Variants in GRIK3 observed in about 807,000 individuals in gnomAD.
The protein encoded by GRIK3 is glutamate receptor ionotropic, kainate 3.
Under a neutral mutation model 102.5 loss-of-function variants are expected in GRIK3, and 29 were observed. The observed-to-expected ratio is 0.28, with a 90% CI of 0.21 to 0.39. GRIK3 has a LOEUF of 0.39. GRIK3 is among the 10% of genes least tolerant of loss of function. The pLI, the probability that GRIK3 is intolerant of heterozygous loss-of-function variation, is 1.00. For synonymous variants in GRIK3, 511 were observed against 504.9 expected, an observed-to-expected ratio of 1.01 and a Z score of -0.16; for missense variants, 908 against 1,252.4, an observed-to-expected ratio of 0.73 and a Z score of 4.15.
At chr1:36,960,278 C>T (rs2124347961) in intron 1 of GRIK3, among the ~76,000 whole-genome samples, 1 of 147,382 alleles carries the variant, frequency 6.8e-6, no homozygotes, top group East Asian at 2.0e-4. Flanking sequence ...ACCCGTGAGC[C>T]TGTGACCCAT....
At position 36,817,164 on chromosome 1, in the gene GRIK3, C is replaced by G. The variant is rs774857531; in HGVS notation, c.1987G>C (p.Val663Leu). ...TCAATGGGTGATTCCATGCGCTCCA[C>G]GGTCAGAAAGGCAGCCAGGTTGGCC... ...YTANLAAFLT[V>L]ERMESPIDSA... Residue 663 changes from valine (V) to leucine (L), a missense_variant, in exon 13 of 16, where the codon GTG (valine) becomes CTG (leucine). This residue lies in a region of GRIK3 where 297 missense variants were observed against 362.7 expected (regional missense o/e 0.82). Transcript: ENST00000373091. 6.2e-7 allele frequency: 1 copy of G among 1,614,004 alleles called. No homozygotes were observed. Among genetic ancestry groups the G allele is most frequent in the East Asian group, 2.2e-5 (1 of 44,882 alleles).
At chr1:36,948,803 C>T (rs1357398987) in intron 1 of GRIK3, among the ~76,000 whole-genome samples, 1 of 152,152 alleles carries the variant, frequency 6.6e-6, no homozygotes, top group Non-Finnish European at 1.5e-5. Flanking sequence ...CTCCAGCCCT[C>T]CAGCCCACTG....
intron 1 of GRIK3, among the ~76,000 whole-genome samples, chr1:36,945,511 G>A (rs1180177960): frequency 6.6e-6 from 1 of 151,780 alleles, no homozygotes; most frequent in Non-Finnish European, 1.5e-5. Context: ...GACTGATCCT[G>A]CAACATCGTT....
At chr1:36,851,642 G>T (rs893564911) in intron 8 of GRIK3, among the ~76,000 whole-genome samples, 1 of 152,264 alleles carries the variant, frequency 6.6e-6, no homozygotes, top group Non-Finnish European at 1.5e-5. Context: ...TGTGAGGCCA[G>T]TTAGGACTGA....
chr1:36,898,182 G>C (rs1355105715), intron 1 of GRIK3, among the ~76,000 whole-genome samples: 1 of 152,030 alleles, frequency 6.6e-6, no homozygotes, highest in Non-Finnish European at 1.5e-5. Flanking sequence ...GTACAAAATA[G>C]ATAACTAGAA....
At chr1:36,837,548 C>T (rs493534) in intron 10 of GRIK3, among the ~76,000 whole-genome samples, 29,393 of 152,030 alleles carry the variant, frequency 0.19, 3,384 homozygotes, top group African/African-American at 0.32. Context: ...TCCATACTGG[C>T]TCAGGTTTGG....
At chr1:36,935,929 G>A (rs1367721289) in intron 1 of GRIK3, among the ~76,000 whole-genome samples, 1 of 152,196 alleles carries the variant, frequency 6.6e-6, no homozygotes, top group Non-Finnish European at 1.5e-5. Flanking sequence ...ATTGCTTTCT[G>A]AAATTTTGAA....
chr1:36,884,490 A>G (rs1162252496), intron 2 of GRIK3, among the ~76,000 whole-genome samples: 1 of 152,036 alleles, frequency 6.6e-6, no homozygotes, highest in Non-Finnish European at 1.5e-5. Context: ...GCACTTCCTG[A>G]GGAAGGAGGC....
intron 1 of GRIK3, among the ~76,000 whole-genome samples, chr1:36,983,121 GC>G (rs902714282): frequency 6.6e-6 from 1 of 152,064 alleles, no homozygotes; most frequent in Non-Finnish European, 1.5e-5. Context: ...GTGCAGCTAC[GC>G]ATGTGCACAC....
In GRIK3 at chr1:36,804,848, G is replaced by A. The variant is rs1345063282; in HGVS notation, c.2565+139C>T. 5 of 1,123,098 alleles carry A rather than the reference G, an allele frequency of 4.5e-6. No individual in the cohort carries two copies. In the African/African-American group the frequency reaches 4.6e-5, roughly 10 times the overall value. 69.6% of individuals were successfully genotyped at this position (1,123,098 alleles called of 1,614,324 possible). On this transcript the variant is annotated intron_variant, in intron 15 of 15. Transcript: ENST00000373091. ...GTCAGGACAGAGGTAGAGTGGCAGG[G>A]CTTGCTGGCCGACTGGATGCAGGGT...
In GRIK3 at chr1:36,859,190, G is replaced by A; in HGVS notation, c.1022C>T (p.Pro341Leu). The A allele has an allele frequency of 6.2e-7, 1 of 1,613,828 alleles. No individual in the cohort carries two copies. Among genetic ancestry groups the A allele is most frequent in the Non-Finnish European group, 8.5e-7 (1 of 1,179,728 alleles). ...HIVSVCYQRA[P>L]QMTVNSLQCH... The stretch of plus-strand genomic sequence containing the variant: ...CTGCAGGGAGTTCACGGTCATCTGT[G>A]GTGCCCGCTGGTAGCACACGGACAC... The change falls in exon 7 of 16, where the codon CCA becomes CTA. Residue 341 changes from proline (P) to leucine (L), a missense_variant. Pro to Leu is a moderately conservative substitution (Grantham distance 98). Transcript: ENST00000373091.
intron 10 of GRIK3, among the ~76,000 whole-genome samples, chr1:36,837,881 G>C (rs554218580): frequency 7.2e-5 from 11 of 152,186 alleles, no homozygotes; most frequent in Non-Finnish European, 1.5e-4. Context: ...GTAAGAAGGT[G>C]GCACCTTGGT....
In GRIK3 at chr1:36,990,168, G is replaced by A. The variant is rs143821347; in HGVS notation, c.115+43826C>T. On this transcript the variant is annotated intron_variant, in intron 1 of 15. Coordinates refer to ENST00000373091, the MANE Select transcript of GRIK3 (RefSeq NM_000831.4). Reference sequence around the variant, plus strand: ...CCGGACCTGCCTGGTTGAGCCCTGAGCCCCCGCCCAGCCCTTCCAGTGCCT... The same window carrying A: ...CCGGACCTGCCTGGTTGAGCCCTGAACCCCCGCCCAGCCCTTCCAGTGCCT... Among the ~76,000 whole-genome samples the A allele has an allele frequency of 3.3e-3, 507 of 152,178 alleles. 4 individuals are homozygous for A. The highest frequency in any genetic ancestry group is 0.011 in the African/African-American group (463 of 41,528).
intron 3 of GRIK3, among the ~76,000 whole-genome samples, chr1:36,875,547 A>G (rs1557710437): frequency 6.6e-6 from 1 of 152,242 alleles, no homozygotes; most frequent in Non-Finnish European, 1.5e-5. Flanking sequence ...GGAATTGTAC[A>G]TTGGGTTTGC....
At chr1:36,938,650 AC>A (rs918487872) in intron 1 of GRIK3, among the ~76,000 whole-genome samples, 23 of 151,252 alleles carry the variant, frequency 1.5e-4, no homozygotes, top group Admixed American at 5.3e-4. Flanking sequence ...TGTTTGTGTC[AC>A]CCCCCAGCCC....
In GRIK3 at chr1:36,919,264, A is replaced by AG. The variant is rs530888934; in HGVS notation, c.116-28169dup. Among the ~76,000 whole-genome samples the AG allele has an allele frequency of 2.6e-3, 396 of 152,336 alleles. 1 individual carries two copies. The highest frequency in any genetic ancestry group is 9.3e-3 in the African/African-American group (387 of 41,572). ...TCTACTGTGATAAACTCAGTGTTCA[A>AG]GGGGAAGAAAATGGCCTGGAAGAAT... On this transcript the variant is annotated intron_variant, in intron 1 of 15. Transcript: ENST00000373091.
intron 9 of GRIK3, 132 bp from the exon 10 acceptor site, chr1:36,842,071 C>T (rs748078388): frequency 1.4e-6 from 1 of 739,050 alleles, no homozygotes; most frequent in Non-Finnish European, 2.3e-6. Context: ...AGACAAAGGG[C>T]CCGTGAAGTC....
intron 10 of GRIK3, among the ~76,000 whole-genome samples, chr1:36,839,014 G>A (rs1457484676): frequency 2.0e-5 from 3 of 152,132 alleles, no homozygotes; most frequent in African/African-American, 7.2e-5. Flanking sequence ...CCCAGCTGAG[G>A]GTCAGCTTAG....
At chr1:36,809,548 C>T (rs2124181396) in intron 13 of GRIK3, among the ~76,000 whole-genome samples, 1 of 152,268 alleles carries the variant, frequency 6.6e-6, no homozygotes, top group East Asian at 1.9e-4. Context: ...CTCAGGAAGC[C>T]CCACCTACTC....
Sources: allele counts gnomAD v4.1 joint callset (sites outside exome capture counted in the v4.1 genomes callset), GRCh38; gene constraint gnomAD v4.1.1; regional missense constraint gnomAD v4.1.1; transcripts MANE v1.5; gene names NCBI Gene and HGNC (gene_info 2026-07-23, HGNC 2026-07-21).